SLX4IP: variants seen among roughly 807,000 people sequenced by gnomAD.
SLX4IP encodes the protein SLX4 interacting protein.
A neutral mutation model predicts 32.9 loss-of-function variants in SLX4IP; 34 were observed. The observed-to-expected ratio is 1.03, with a 90% CI of 0.79 to 1.38. SLX4IP has a LOEUF of 1.38. SLX4IP is among the 40% of genes most tolerant of loss of function. The pLI, the probability that SLX4IP is intolerant of heterozygous loss-of-function variation, is 0.00. For synonymous variants in SLX4IP, 172 were observed against 171.7 expected (o/e 1.00, Z -0.01); for missense variants, 444 against 479.0 (o/e 0.93, Z 0.68).
chr20:10,560,262 C>T lies in SLX4IP; in HGVS notation c.118-438C>T, dbSNP rs151171801. On this transcript the variant is annotated intron_variant, in intron 3 of 7. Coordinates refer to ENST00000334534, the MANE Select transcript of SLX4IP (RefSeq NM_001009608.3). ...TGGCCCCATCCCTGTCTACAGTCCC[C>T]TGGCCACACTGGGTGTTTCCCTGGG... is the stretch of plus-strand genomic sequence containing the variant. 2.9e-3 allele frequency among the ~76,000 whole-genome samples: 446 copies of T among 152,344 alleles called. 5 individuals are homozygous for T. The highest frequency in any genetic ancestry group is 0.01 in the African/African-American group (417 of 41,578).
At chr20:10,463,680 A>G (rs1568692635) in intron 2 of SLX4IP, among the ~76,000 whole-genome samples, 1 of 152,238 alleles carries the variant, frequency 6.6e-6, no homozygotes, top group Non-Finnish European at 1.5e-5. Context: ...ATAGGAATAT[A>G]GAAAACTAAA....
intron 4 of SLX4IP, among the ~76,000 whole-genome samples, chr20:10,561,054 A>T (rs2066327179): frequency 6.6e-6 from 1 of 152,218 alleles, no homozygotes; most frequent in African/African-American, 2.4e-5. Context: ...AGGAAACTGT[A>T]AATTGTTTAA....
intron 1 of SLX4IP, among the ~76,000 whole-genome samples, chr20:10,440,040 T>C (rs2065147739): frequency 6.6e-6 from 1 of 152,218 alleles, no homozygotes; most frequent in African/African-American, 2.4e-5. Context: ...TCATATTAAT[T>C]ATGGGATAAT....
At chr20:10,446,187 G>A (rs1287688218) in intron 1 of SLX4IP, among the ~76,000 whole-genome samples, 1 of 151,838 alleles carries the variant, frequency 6.6e-6, no homozygotes, top group Non-Finnish European at 1.5e-5. Context: ...GCTGAGGTGG[G>A]TGGATCACAA....
chr20:10,491,786 G>A (rs1389039534), intron 2 of SLX4IP, among the ~76,000 whole-genome samples: 1 of 152,100 alleles, frequency 6.6e-6, no homozygotes, highest in Admixed American at 6.6e-5. Flanking sequence ...GTATCATTGG[G>A]TTAAAAAATT....
chr20:10,602,336 C>T (rs1379853597), intron 6 of SLX4IP, among the ~76,000 whole-genome samples: 1 of 152,030 alleles, frequency 6.6e-6, no homozygotes, highest in Non-Finnish European at 1.5e-5. Flanking sequence ...CTCTCTGTCT[C>T]CTTCTCTGTC....
rs959121928 is a variant in SLX4IP, at chr20:10,539,333, C to G, written c.28-16898C>G. On this transcript the variant is annotated intron_variant, in intron 2 of 7. Coordinates refer to ENST00000334534, the MANE Select transcript of SLX4IP (RefSeq NM_001009608.3). ...TTGTAGGATTGTCATGAAAATGTAT[C>G]ACTTTTTACCTACCATATTTTAAAG... Among the ~76,000 whole-genome samples the G allele has an allele frequency of 1.1e-4, 17 of 152,302 alleles. 1 individual carries two copies. Among genetic ancestry groups the G allele is most frequent in the South Asian group, 2.1e-4 (1 of 4,822 alleles).
intron 1 of SLX4IP, among the ~76,000 whole-genome samples, chr20:10,453,733 A>G (rs1365125515): frequency 9.0e-6 from 1 of 111,334 alleles, no homozygotes; most frequent in African/African-American, 2.7e-5. Flanking sequence ...CCCCCAACGC[A>G]CTTAAAAAAA....
At chr20:10,490,992 C>G (rs1157072798) in intron 2 of SLX4IP, among the ~76,000 whole-genome samples, 1 of 152,018 alleles carries the variant, frequency 6.6e-6, no homozygotes, top group Non-Finnish European at 1.5e-5. Context: ...TTCCACCCCT[C>G]TCTTCCCCAT....
At chr20:10,559,404 T>G (rs536778842) in intron 3 of SLX4IP, among the ~76,000 whole-genome samples, 1 of 152,296 alleles carries the variant, frequency 6.6e-6, no homozygotes, top group East Asian at 1.9e-4. Flanking sequence ...AGCTAAAAAT[T>G]TTGTTGTTTT....
At chr20:10,465,826 C>T (rs1229758401) in intron 2 of SLX4IP, among the ~76,000 whole-genome samples, 1 of 152,170 alleles carries the variant, frequency 6.6e-6, no homozygotes, top group Non-Finnish European at 1.5e-5. Flanking sequence ...TCTTTTACAG[C>T]ACATCTCAAT....
intron 3 of SLX4IP, among the ~76,000 whole-genome samples, chr20:10,558,011 G>A (rs1354094368): frequency 6.6e-6 from 1 of 152,158 alleles, no homozygotes; most frequent in African/African-American, 2.4e-5. Flanking sequence ...AAACCAAATG[G>A]TCGGTTTGCT....
At chr20:10,473,307 T>G (rs2065442137) in intron 2 of SLX4IP, among the ~76,000 whole-genome samples, 2 of 152,156 alleles carry the variant, frequency 1.3e-5, no homozygotes, top group South Asian at 2.1e-4. Context: ...AAAGAAAATC[T>G]CTGTTGTCTC....
chr20:10,474,637 T>TG (rs1452278146), intron 2 of SLX4IP, among the ~76,000 whole-genome samples: 6 of 152,218 alleles, frequency 3.9e-5, no homozygotes, highest in Non-Finnish European at 8.8e-5. Context: ...AGATGGGCCT[T>TG]GGGGGCCTGG....
At chr20:10,561,071 G>GT (rs2066327420) in intron 4 of SLX4IP, among the ~76,000 whole-genome samples, 1 of 152,046 alleles carries the variant, frequency 6.6e-6, no homozygotes, top group South Asian at 2.1e-4. Context: ...TTAAAGGATT[G>GT]TTTTTTATTT....
At chr20:10,605,295 G>T (rs1259270874) in intron 6 of SLX4IP, among the ~76,000 whole-genome samples, 1 of 152,092 alleles carries the variant, frequency 6.6e-6, no homozygotes, top group African/African-American at 2.4e-5. Flanking sequence ...AACATAATTT[G>T]CTAAGTCCCA....
chr20:10,592,547 C>A (rs968834226), intron 4 of SLX4IP, among the ~76,000 whole-genome samples: 1 of 148,450 alleles, frequency 6.7e-6, no homozygotes, highest in Non-Finnish European at 1.5e-5. Context: ...TTCTGAGTGA[C>A]ACAGTTTGGG....
At chr20:10,467,573 C>G (rs564875238) in intron 2 of SLX4IP, among the ~76,000 whole-genome samples, 1 of 152,300 alleles carries the variant, frequency 6.6e-6, no homozygotes, top group South Asian at 2.1e-4. Flanking sequence ...AGGGTCAATG[C>G]GAGTTTGCAG....
At chr20:10,622,588 G>A (rs1600166785) in intron 7 of SLX4IP, 71 bp from the exon 8 acceptor site, 2 of 1,521,908 alleles carry the variant, frequency 1.3e-6, no homozygotes, top group East Asian at 2.3e-5. Context: ...AGGAAATGTG[G>A]TAGAGGGAAT....
Sources: gnomAD v4.1 joint callset for allele counts (sites outside exome capture counted in the v4.1 genomes callset) on GRCh38, gnomAD v4.1.1 for gene constraint, MANE v1.5 for transcripts, NCBI Gene and HGNC (gene_info 2026-07-23, HGNC 2026-07-21) for gene names.